The following CHD9 variants were observed in gnomAD, a reference collection of about 807,000 sequenced individuals.
The protein encoded by CHD9 is chromodomain helicase DNA binding protein 9.
CHD9 carries 77 observed loss-of-function variants against 316.1 expected under a neutral mutation model. The ratio of observed to expected loss-of-function variants is 0.24; its 90% confidence interval spans 0.20 to 0.29. The LOEUF is 0.29. Among genes scored for constraint, CHD9 ranks in the 10% least tolerant of loss-of-function variants. The probability of loss-of-function intolerance (pLI) is 1.00; values close to 1 mark genes in which losing one functional copy is unlikely to be tolerated. For synonymous variants in CHD9, 1,129 were observed against 1,158.3 expected, an observed-to-expected ratio of 0.97 and a Z score of 0.51; for missense variants, 2,763 against 3,438.1, an observed-to-expected ratio of 0.80 and a Z score of 4.91.
At chr16:53,258,294 A>G (rs892215068) in intron 19 of CHD9, among the ~76,000 whole-genome samples, 50 of 152,186 alleles carry the variant, frequency 3.3e-4, no homozygotes, top group African/African-American at 1.1e-3. Flanking sequence ...GAACTCAAGT[A>G]TACTCTAATG....
intron 3 of CHD9, among the ~76,000 whole-genome samples, chr16:53,211,038 A>G (rs1359238268): frequency 6.6e-6 from 1 of 152,106 alleles, no homozygotes; most frequent in Non-Finnish European, 1.5e-5. Flanking sequence ...AGGAAATCCC[A>G]TATTTAGTCT....
intron 2 of CHD9, among the ~76,000 whole-genome samples, chr16:53,164,216 G>A (rs1343007786): frequency 6.6e-6 from 1 of 152,072 alleles, no homozygotes; most frequent in Non-Finnish European, 1.5e-5. Flanking sequence ...ATGTTTTCTG[G>A]CTATATTCAC....
chr16:53,194,381 C>G (rs1181841543), intron 2 of CHD9, among the ~76,000 whole-genome samples: 2 of 152,044 alleles, frequency 1.3e-5, no homozygotes, highest in Admixed American at 1.3e-4. Context: ...TTGAGACCAG[C>G]CTGGGCAACA....
rs150938314 is a variant in CHD9, at chr16:53,188,751, C to T, written c.1453-20731C>T. Among the ~76,000 whole-genome samples, 912 of 151,406 alleles carry T rather than the reference C, an allele frequency of 6.0e-3. 3 individuals carry two copies. The highest frequency in any genetic ancestry group is 0.011 in the South Asian group (53 of 4,786). The stretch of plus-strand genomic sequence containing the variant: ...CTGCAATTACAGGTGCTTGCCACCA[C>T]GCCTGGCTAATTTTTTGTATTTTTA... On this transcript the variant is annotated intron_variant, in intron 2 of 38. Transcript: ENST00000447540.
intron 12 of CHD9, among the ~76,000 whole-genome samples, chr16:53,241,562 C>G (rs999226995): frequency 1.3e-5 from 2 of 152,164 alleles, no homozygotes; most frequent in Non-Finnish European, 2.9e-5. Flanking sequence ...TTAACACATA[C>G]AAAATCAAAA....
In CHD9 at chr16:53,285,576, A is replaced by ATATTATGATT. The variant is rs1567621391; in HGVS notation, c.4968-18_4968-9dup. ...CTCATTTATAATAATTCATAATGCC[A>ATATTATGATT]TATTATGATTTTTTTAAAGTGACAT... On this transcript the variant is annotated intron_variant, in intron 24 of 38. Transcript: ENST00000447540. The ATATTATGATT allele has an allele frequency of 6.8e-7, 1 of 1,473,400 alleles. No homozygotes were observed. Among genetic ancestry groups the ATATTATGATT allele is most frequent in the East Asian group, 2.3e-5 (1 of 42,612 alleles). The allele number at this position is 1,473,400 out of a possible 1,614,324, so 91.3% of individuals were successfully genotyped here. A position where few individuals can be genotyped will look rare whatever the true frequency, so the allele number is the denominator to read the frequency against.
At chr16:53,182,624 T>G (rs1039651040) in intron 2 of CHD9, among the ~76,000 whole-genome samples, 11 of 152,154 alleles carry the variant, frequency 7.2e-5, no homozygotes, top group African/African-American at 2.7e-4. Context: ...CAGGTTTGTG[T>G]TATAGATGAG....
chr16:53,111,380 C>T (rs759737905), intron 1 of CHD9, among the ~76,000 whole-genome samples: 5 of 152,064 alleles, frequency 3.3e-5, no homozygotes, highest in Non-Finnish European at 7.4e-5. Context: ...CAGGGTTCTT[C>T]TGCCAAAAAA....
rs371515026 is a variant in CHD9 at position 53,289,636 on chromosome 16, A to G, written c.5247+1622A>G. The stretch of plus-strand genomic sequence containing the variant: ...TATAATGTAAAGAATTATTAATTAT[A>G]CTATAGTAATAGATTAGTAAAAAAT... On this transcript the variant is annotated intron_variant, in intron 27 of 38. Coordinates refer to ENST00000447540, the MANE Select transcript of CHD9 (RefSeq NM_001308319.2). 3.9e-5 allele frequency among the ~76,000 whole-genome samples: 6 copies of G among 152,314 alleles called. No individual in the cohort carries two copies. In the East Asian group the frequency reaches 9.6e-4, roughly 24 times the overall value.
intron 2 of CHD9, among the ~76,000 whole-genome samples, chr16:53,167,300 A>G (rs2042337243): frequency 6.6e-6 from 1 of 152,290 alleles, no homozygotes; most frequent in East Asian, 1.9e-4. Flanking sequence ...ATTTTAAATA[A>G]CATCTGTGTT....
chr16:53,240,231 AC>A (rs1013944774), intron 12 of CHD9, among the ~76,000 whole-genome samples: 4 of 152,136 alleles, frequency 2.6e-5, no homozygotes, highest in Admixed American at 2.0e-4. Context: ...TCTTACTCGT[AC>A]ATTTGTAGAA....
chr16:53,188,954 T>G (rs2044267500), intron 2 of CHD9, among the ~76,000 whole-genome samples: 2 of 152,130 alleles, frequency 1.3e-5, no homozygotes, highest in Non-Finnish European at 2.9e-5. Flanking sequence ...TACTTATTTT[T>G]GTTACTGATT....
Position 53,263,020 on chromosome 16 carries a change from A to G in CHD9, c.4243A>G (p.Ile1415Val). 6.2e-7 allele frequency: 1 copy of G among 1,612,986 alleles called. No homozygotes were observed. The highest frequency in any genetic ancestry group is 8.5e-7 in the Non-Finnish European group (1 of 1,179,248). Residue 1415 changes from isoleucine to valine, a missense_variant, in exon 20 of 39, where the codon ATT becomes GTT. Transcript: ENST00000447540. ...SFVASGNRTD[I>V]SLDDPNFWQK... ...TGTGGCATCTGGAAACCGGACAGAT[A>G]TTTCTTTAGATGATCCCAACTTCTG... is the stretch of plus-strand genomic sequence containing the variant.
At chr16:53,295,392 G>A (rs960393448) in intron 29 of CHD9, among the ~76,000 whole-genome samples, 3 of 152,170 alleles carry the variant, frequency 2.0e-5, no homozygotes, top group Non-Finnish European at 4.4e-5. Context: ...CTCCCAAAGT[G>A]CTGGGATTAC....
intron 1 of CHD9, chr16:53,131,437 G>A (rs2039300240): frequency 6.8e-6 from 1 of 146,800 alleles, no homozygotes; most frequent in South Asian, 1.9e-4. Flanking sequence ...CGGGCCCGCG[G>A]GGAGGCCGGG....
chr16:53,243,817 T>C (rs1052856782), intron 13 of CHD9, among the ~76,000 whole-genome samples: 1 of 152,234 alleles, frequency 6.6e-6, no homozygotes, highest in Non-Finnish European at 1.5e-5. Flanking sequence ...ATGAAAGCAT[T>C]TTTTAAACAT....
intron 1 of CHD9, among the ~76,000 whole-genome samples, chr16:53,087,815 G>A (rs575494498): frequency 3.3e-5 from 5 of 152,144 alleles, no homozygotes; most frequent in East Asian, 1.9e-4. Flanking sequence ...AGGCATGGTC[G>A]TGGGCGCCCA....
chr16:53,158,761 C>T (rs1179682257), intron 2 of CHD9, among the ~76,000 whole-genome samples: 1 of 152,072 alleles, frequency 6.6e-6, no homozygotes, highest in Non-Finnish European at 1.5e-5. Context: ...CCTCAGCCTC[C>T]TGGGTAGCTG....
chr16:53,059,771 C>T (rs1487276188), intron 1 of CHD9, among the ~76,000 whole-genome samples: 1 of 152,178 alleles, frequency 6.6e-6, no homozygotes, highest in African/African-American at 2.4e-5. Flanking sequence ...CATAGGGTTT[C>T]AGTTGCAACT....
Sources: gnomAD v4.1 joint callset for allele counts (sites outside exome capture counted in the v4.1 genomes callset) on GRCh38, gnomAD v4.1.1 for gene constraint, MANE v1.5 for transcripts, NCBI Gene and HGNC (gene_info 2026-07-23, HGNC 2026-07-21) for gene names.